VIT: variants seen among roughly 807,000 people sequenced by gnomAD.
VIT encodes the protein vitrin.
Under a neutral mutation model 78.0 loss-of-function variants are expected in VIT, and 99 were observed. That is an observed-to-expected ratio of 1.27 (90% CI 1.08 to 1.50). VIT has a LOEUF of 1.50. Among genes scored for constraint, VIT ranks in the 40% most tolerant of loss-of-function variants. The pLI is 0.00. For synonymous variants in VIT, 374 were observed against 334.3 expected (o/e 1.12, Z -1.29); for missense variants, 1,126 against 875.3 (o/e 1.29, Z -3.61).
At chr2:36,754,658 G>C (rs370439820) in intron 4 of VIT, among the ~76,000 whole-genome samples, 1 of 152,284 alleles carries the variant, frequency 6.6e-6, no homozygotes, top group East Asian at 1.9e-4. Context: ...AGAAATCTGA[G>C]GCATGGTGGC....
chr2:36,722,328 T>G (rs1293189747), intron 2 of VIT, among the ~76,000 whole-genome samples: 1 of 152,200 alleles, frequency 6.6e-6, no homozygotes, highest in African/African-American at 2.4e-5. Flanking sequence ...CCCAAACGAC[T>G]GCAGCATTAG....
intron 1 of VIT, among the ~76,000 whole-genome samples, chr2:36,698,137 G>T (rs1425503354): frequency 1.4e-5 from 1 of 73,918 alleles, no homozygotes; most frequent in Non-Finnish European, 3.0e-5. Flanking sequence ...AGAATTACAA[G>T]ATTGCAAAGA....
intron 4 of VIT, among the ~76,000 whole-genome samples, chr2:36,752,447 G>A (rs1166846282): frequency 2.0e-5 from 3 of 152,202 alleles, no homozygotes; most frequent in Admixed American, 6.5e-5. Flanking sequence ...TCAGGGAGGA[G>A]GTGAACATCA....
chr2:36,738,591 A>G (rs1179993422), intron 3 of VIT, among the ~76,000 whole-genome samples: 2 of 152,196 alleles, frequency 1.3e-5, no homozygotes, highest in Non-Finnish European at 2.9e-5. Context: ...AGCAGTGAAC[A>G]AAACAGACAA....
chr2:36,717,187 T>A (rs1227822473), intron 2 of VIT, among the ~76,000 whole-genome samples: 1 of 148,364 alleles, frequency 6.7e-6, no homozygotes, highest in Non-Finnish European at 1.5e-5. Flanking sequence ...AGATGATTTT[T>A]TTTTTTTTTT....
chr2:36,800,486 T>C (rs909417176), intron 12 of VIT, among the ~76,000 whole-genome samples: 21 of 152,250 alleles, frequency 1.4e-4, no homozygotes, highest in African/African-American at 5.1e-4. Flanking sequence ...CCTTTCTGAC[T>C]GAGGCTCTTC....
chr2:36,702,659 G>A lies in VIT; in HGVS notation c.-19+5686G>A, dbSNP rs528781324. Among the ~76,000 whole-genome samples, 6 of 152,246 alleles carry A rather than the reference G, an allele frequency of 3.9e-5. No homozygotes were observed. In the South Asian group the frequency reaches 6.2e-4, roughly 16 times the overall value. ...TAGTCTCTTCGTGTCCAGAGTTGAA[G>A]TGGGTACAGGGAGGAAAGGTGAGAG... is the stretch of plus-strand genomic sequence containing the variant. On this transcript the variant is annotated intron_variant, in intron 1 of 15. Transcript: ENST00000379242.
intron 11 of VIT, among the ~76,000 whole-genome samples, 193 bp from the exon 12 acceptor site, chr2:36,786,936 C>A (rs1227289419): frequency 6.6e-6 from 1 of 152,196 alleles, no homozygotes; most frequent in Non-Finnish European, 1.5e-5. Context: ...AAGGACTAGC[C>A]TAAGTGTCCA....
intron 12 of VIT, among the ~76,000 whole-genome samples, chr2:36,796,314 A>C (rs1044918034): frequency 1.7e-4 from 26 of 152,232 alleles, no homozygotes; most frequent in Non-Finnish European, 2.9e-4. Flanking sequence ...CATGTAAAAC[A>C]AGGTTATATA....
At chr2:36,710,408 T>A (rs917507253) in intron 1 of VIT, among the ~76,000 whole-genome samples, 2 of 152,110 alleles carry the variant, frequency 1.3e-5, no homozygotes, top group Non-Finnish European at 2.9e-5. Flanking sequence ...AGAATATATA[T>A]ATTTAAAGTA....
At chr2:36,717,578 C>G (rs569535019) in intron 2 of VIT, among the ~76,000 whole-genome samples, 1 of 152,070 alleles carries the variant, frequency 6.6e-6, no homozygotes, top group Non-Finnish European at 1.5e-5. Context: ...CACCAGAGTA[C>G]GCAATCATGG....
intron 7 of VIT, 88 bp from the exon 8 acceptor site, chr2:36,773,703 C>A: frequency 8.4e-7 from 1 of 1,197,004 alleles, no homozygotes; most frequent in Non-Finnish European, 1.1e-6. Flanking sequence ...CAGCTCTGGG[C>A]ATACAGTGAG....
intron 9 of VIT, among the ~76,000 whole-genome samples, chr2:36,775,891 A>G (rs1047452580): frequency 6.6e-6 from 1 of 152,222 alleles, no homozygotes; most frequent in Non-Finnish European, 1.5e-5. Context: ...CACCCTGAGT[A>G]AAGGCAGGTA....
At chr2:36,799,732 GTCT>G (rs1468539767) in intron 12 of VIT, among the ~76,000 whole-genome samples, 5 of 125,856 alleles carry the variant, frequency 4.0e-5, no homozygotes, top group Non-Finnish European at 8.5e-5. Flanking sequence ...AAAAAAAAAA[GTCT>G]TCTCCTTCTT....
At chr2:36,790,665 T>C (rs1402958743) in intron 12 of VIT, among the ~76,000 whole-genome samples, 1 of 152,160 alleles carries the variant, frequency 6.6e-6, no homozygotes, top group Admixed American at 6.6e-5. Context: ...AGGACAAATA[T>C]TAGTCTTGAG....
At chr2:36,702,790 G>C (rs17491260) in intron 1 of VIT, among the ~76,000 whole-genome samples, 51,018 of 152,084 alleles carry the variant, frequency 0.34, 9,212 homozygotes, top group Middle Eastern at 0.49. Context: ...GCATGTCTAT[G>C]GGTGCTGTGA....
chr2:36,795,104 T>C lies in VIT; in HGVS notation c.1059-6197T>C, dbSNP rs532368290. On this transcript the variant is annotated intron_variant, in intron 12 of 15. Coordinates refer to ENST00000379242, the MANE Select transcript of VIT (RefSeq NM_053276.4). ...CCTCCTGGATGCTAAGTACTAGGGA[T>C]TGGAAGCTAGGAGAAAGTGCCTGTT... 2.6e-5 allele frequency among the ~76,000 whole-genome samples: 4 copies of C among 152,324 alleles called. No individual in the cohort carries two copies. In the East Asian group the frequency reaches 7.7e-4, roughly 29 times the overall value.
intron 10 of VIT, 112 bp downstream of exon 10, chr2:36,781,883 A>T: frequency 7.9e-7 from 1 of 1,270,830 alleles, no homozygotes; most frequent in Non-Finnish European, 1.1e-6. Context: ...CTAGCCTAGG[A>T]TTTCTAATGG....
chr2:36,812,613 T>C (rs531125123), intron 15 of VIT, among the ~76,000 whole-genome samples: 3 of 152,270 alleles, frequency 2.0e-5, no homozygotes, highest in Non-Finnish European at 4.4e-5. Context: ...CCTTCCCATT[T>C]GCACCTAGAC....
Sources: allele counts gnomAD v4.1 joint callset (sites outside exome capture counted in the v4.1 genomes callset), GRCh38; gene constraint gnomAD v4.1.1; transcripts MANE v1.5; gene names NCBI Gene and HGNC (gene_info 2026-07-23, HGNC 2026-07-21).